The following NAALADL2 variants were observed in gnomAD, a reference collection of about 807,000 sequenced individuals.
The protein encoded by NAALADL2 is inactive N-acetylated-alpha-linked acidic dipeptidase-like protein 2.
Under a neutral mutation model 87.2 loss-of-function variants are expected in NAALADL2, and 76 were observed. The observed-to-expected ratio is 0.87, with a 90% confidence interval of 0.72 to 1.05. The LOEUF (loss-of-function observed/expected upper bound fraction) is 1.05. NAALADL2 is among the 50% of genes least tolerant of loss of function. NAALADL2 has a pLI of 0.00. For synonymous variants in NAALADL2, 354 were observed against 331.0 expected (o/e 1.07, Z -0.75); for missense variants, 1,089 against 945.8 (o/e 1.15, Z -1.99).
At chr3:175,291,500 C>A (rs9868184) in intron 4 of NAALADL2, among the ~76,000 whole-genome samples, 82,604 of 151,862 alleles carry the variant, frequency 0.54, 23,959 homozygotes, top group Non-Finnish European at 0.65. Context: ...CTTATTCCAA[C>A]TCATATATAC....
intron 1 of NAALADL2, among the ~76,000 whole-genome samples, chr3:175,084,064 T>C (rs938939952): frequency 2.6e-5 from 4 of 152,198 alleles, no homozygotes; most frequent in Non-Finnish European, 5.9e-5. Flanking sequence ...AGGTCTTATA[T>C]GCTTTGGAAA....
At chr3:175,352,294 G>A (rs1359244009) in intron 5 of NAALADL2, among the ~76,000 whole-genome samples, 2 of 152,024 alleles carry the variant, frequency 1.3e-5, no homozygotes, top group African/African-American at 2.4e-5. Context: ...CCATAGGTGA[G>A]GCTGAGGAGA....
intron 13 of NAALADL2, among the ~76,000 whole-genome samples, chr3:175,796,829 T>A (rs529812824): frequency 1.3e-5 from 2 of 152,198 alleles, no homozygotes; most frequent in Non-Finnish European, 2.9e-5. Flanking sequence ...TGCCCATTTA[T>A]GAATATAAGA....
chr3:175,449,212 A>G (rs966152660), intron 6 of NAALADL2, among the ~76,000 whole-genome samples: 3 of 151,918 alleles, frequency 2.0e-5, no homozygotes, highest in Non-Finnish European at 4.4e-5. Context: ...CCGAGTAGCT[A>G]GGGCTACAGG....
At chr3:175,402,479 A>G (rs1770685082) in intron 5 of NAALADL2, among the ~76,000 whole-genome samples, 1 of 152,084 alleles carries the variant, frequency 6.6e-6, no homozygotes, top group Admixed American at 6.6e-5. Context: ...TTACTATAAT[A>G]CACAAATATA....
chr3:175,601,078 A>C (rs556880953), intron 10 of NAALADL2, among the ~76,000 whole-genome samples: 2 of 152,316 alleles, frequency 1.3e-5, no homozygotes, highest in East Asian at 3.9e-4. Flanking sequence ...CGCTTAGAAA[A>C]GACAATTTTA....
At chr3:174,722,258 G>A (rs1355506070) in intron 2 of NAALADL2, among the ~76,000 whole-genome samples, 1 of 152,180 alleles carries the variant, frequency 6.6e-6, no homozygotes, top group Non-Finnish European at 1.5e-5. Context: ...GTATGGGTTG[G>A]TTTACGGAAT....
chr3:174,964,861 A>ATATG lies in NAALADL2; in HGVS notation c.43+105415_43+105418dup, dbSNP rs532640274. On this transcript the variant is annotated intron_variant, in intron 1 of 13. Transcript: ENST00000454872. ...TATATTTGTGTTTGTGTGTGTATAT[A>ATATG]TATGTATATATGTAATTTATATATA... Among the ~76,000 whole-genome samples, 434 of 150,958 alleles carry ATATG rather than the reference A, an allele frequency of 2.9e-3. 1 individual carries two copies. Among genetic ancestry groups the ATATG allele is most frequent in the African/African-American group, 9.9e-3 (405 of 41,028 alleles).
chr3:175,221,749 TA>T (rs1329037458), intron 2 of NAALADL2, among the ~76,000 whole-genome samples: 1 of 138,772 alleles, frequency 7.2e-6, no homozygotes, highest in African/African-American at 2.8e-5. Context: ...GTAGAGTAGA[TA>T]TTCAGTGGTT....
At chr3:174,460,363 A>G (rs1716136095) in intron 1 of NAALADL2, among the ~76,000 whole-genome samples, 1 of 152,082 alleles carries the variant, frequency 6.6e-6, no homozygotes, top group Non-Finnish European at 1.5e-5. Context: ...CAGGTCTTGC[A>G]TATTTAAGAC....
At chr3:174,782,311 G>A (rs1317450334) in intron 3 of NAALADL2, among the ~76,000 whole-genome samples, 1 of 152,128 alleles carries the variant, frequency 6.6e-6, no homozygotes, top group African/African-American at 2.4e-5. Flanking sequence ...AGTAGTATAT[G>A]TGTGTTTTAA....
At chr3:175,284,680 A>G (rs1754767124) in intron 4 of NAALADL2, among the ~76,000 whole-genome samples, 1 of 152,136 alleles carries the variant, frequency 6.6e-6, no homozygotes, top group Non-Finnish European at 1.5e-5. Context: ...TTCTTAACAG[A>G]TAGGAAAAGA....
chr3:175,281,975 A>G (rs1190055918), intron 4 of NAALADL2, among the ~76,000 whole-genome samples: 1 of 151,952 alleles, frequency 6.6e-6, no homozygotes, highest in East Asian at 1.9e-4. Context: ...TTTTGTTATT[A>G]TTTCACACAT....
chr3:175,152,103 A>G (rs1048464024), intron 2 of NAALADL2, among the ~76,000 whole-genome samples: 1 of 152,154 alleles, frequency 6.6e-6, no homozygotes, highest in Non-Finnish European at 1.5e-5. Context: ...ATCGTCATTG[A>G]TTAATGGTTT....
chr3:175,355,022 A>ATATGTG (rs1230276546), intron 5 of NAALADL2, among the ~76,000 whole-genome samples: 2 of 139,438 alleles, frequency 1.4e-5, no homozygotes, highest in African/African-American at 5.5e-5. Flanking sequence ...CTATATATAT[A>ATATGTG]TGTGTGTGTG....
At chr3:174,597,675 T>G (rs1718048878) in intron 2 of NAALADL2, among the ~76,000 whole-genome samples, 1 of 152,214 alleles carries the variant, frequency 6.6e-6, no homozygotes, top group Non-Finnish European at 1.5e-5. Flanking sequence ...CCCTTTGCAG[T>G]GCATCTTTCC....
intron 13 of NAALADL2, among the ~76,000 whole-genome samples, chr3:175,783,795 A>G (rs1238920340): frequency 6.7e-6 from 1 of 150,028 alleles, no homozygotes; most frequent in Admixed American, 6.6e-5. Context: ...TTCAAAGGGA[A>G]TGCTTCCAGT....
chr3:175,076,324 T>TC (rs1716589515), intron 1 of NAALADL2, among the ~76,000 whole-genome samples: 2 of 135,570 alleles, frequency 1.5e-5, no homozygotes, highest in Non-Finnish European at 3.1e-5. Flanking sequence ...ATTTCATGCT[T>TC]TTTTTTTTTT....
chr3:175,228,635 T>C (rs1409715372), intron 2 of NAALADL2, among the ~76,000 whole-genome samples: 1 of 151,984 alleles, frequency 6.6e-6, no homozygotes, highest in Non-Finnish European at 1.5e-5. Flanking sequence ...TAAAAAATTC[T>C]TAAATTAAAA....
Sources: allele counts gnomAD v4.1 joint callset (sites outside exome capture counted in the v4.1 genomes callset), GRCh38; gene constraint gnomAD v4.1.1; transcripts MANE v1.5; gene names NCBI Gene and HGNC (gene_info 2026-07-23, HGNC 2026-07-21).